The following PRKG1 variants were observed in gnomAD, a reference collection of about 807,000 sequenced individuals.
The protein encoded by PRKG1 is cGMP-dependent protein kinase 1.
A neutral mutation model predicts 88.1 loss-of-function variants in PRKG1; 35 were observed. That is an observed-to-expected ratio of 0.40 (90% confidence interval 0.30 to 0.53). The LOEUF (loss-of-function observed/expected upper bound fraction) is 0.53, where lower values mean the gene tolerates loss of function less well. Among genes scored for constraint, PRKG1 ranks in the 20% least tolerant of loss-of-function variants. PRKG1 has a pLI of 0.59. For missense variants in PRKG1, 540 were observed against 839.8 expected (o/e 0.64, Z 4.41); for synonymous variants, 303 against 292.5 (o/e 1.04, Z -0.37).
intron 1 of PRKG1, among the ~76,000 whole-genome samples, chr10:51,004,626 A>G (rs1842922619): frequency 6.6e-6 from 1 of 152,182 alleles, no homozygotes; most frequent in Non-Finnish European, 1.5e-5. Flanking sequence ...CTTGAGTTAC[A>G]TTCATGAGAA....
chr10:52,147,999 T>A (rs1275446038), intron 8 of PRKG1, among the ~76,000 whole-genome samples: 1 of 152,160 alleles, frequency 6.6e-6, no homozygotes, highest in Non-Finnish European at 1.5e-5. Flanking sequence ...TTGAAGGTCA[T>A]CGGCCTGGGG....
chr10:51,539,703 G>A (rs942651824), intron 3 of PRKG1, among the ~76,000 whole-genome samples: 2 of 152,068 alleles, frequency 1.3e-5, no homozygotes, highest in Non-Finnish European at 2.9e-5. Context: ...AAAGCAGAAG[G>A]AAAAATCTTC....
At chr10:51,919,325 A>T (rs947733249) in intron 5 of PRKG1, among the ~76,000 whole-genome samples, 1 of 152,124 alleles carries the variant, frequency 6.6e-6, no homozygotes, top group Non-Finnish European at 1.5e-5. Flanking sequence ...CTTTAGGGAG[A>T]TGGCAGTTGT....
intron 3 of PRKG1, among the ~76,000 whole-genome samples, chr10:51,682,172 C>G (rs1840938086): frequency 6.6e-6 from 1 of 152,168 alleles, no homozygotes; most frequent in Non-Finnish European, 1.5e-5. Context: ...CTTCTTGGGT[C>G]AAACAGAGTC....
intron 3 of PRKG1, chr10:51,696,328 A>C (rs1478848314): frequency 6.6e-6 from 1 of 152,070 alleles, no homozygotes; most frequent in Non-Finnish European, 1.5e-5. Context: ...AGATACCAAG[A>C]AACTGAGAGT....
intron 2 of PRKG1, among the ~76,000 whole-genome samples, chr10:51,249,543 G>T (rs530086406): frequency 1.3e-5 from 2 of 151,768 alleles, no homozygotes; most frequent in Admixed American, 1.3e-4. Flanking sequence ...CATATTTTAG[G>T]TGATATTTTG....
intron 3 of PRKG1, among the ~76,000 whole-genome samples, chr10:51,626,423 G>T (rs1016123119): frequency 6.6e-6 from 1 of 152,084 alleles, no homozygotes; most frequent in Non-Finnish European, 1.5e-5. Context: ...AATCCTACCT[G>T]CATGTTGTTA....
At chr10:51,019,772 T>C (rs1843112413) in intron 1 of PRKG1, among the ~76,000 whole-genome samples, 1 of 151,930 alleles carries the variant, frequency 6.6e-6, no homozygotes, top group African/African-American at 2.4e-5. Flanking sequence ...CCAGAATATG[T>C]AGAGAACTCC....
At chr10:51,924,922 T>C (rs2132988004) in intron 5 of PRKG1, among the ~76,000 whole-genome samples, 1 of 151,306 alleles carries the variant, frequency 6.6e-6, no homozygotes, top group African/African-American at 2.4e-5. Context: ...TCTCTGCTTA[T>C]ATTACTCACC....
intron 3 of PRKG1, among the ~76,000 whole-genome samples, chr10:51,726,495 T>A (rs1158142442): frequency 6.6e-6 from 1 of 152,232 alleles, no homozygotes; most frequent in East Asian, 1.9e-4. Context: ...TGGCTGCATA[T>A]GCAGTAGTGA....
At chr10:51,556,223 C>T (rs1465571205) in intron 3 of PRKG1, among the ~76,000 whole-genome samples, 1 of 151,864 alleles carries the variant, frequency 6.6e-6, no homozygotes, top group Non-Finnish European at 1.5e-5. Flanking sequence ...TAGTAGTAAA[C>T]AGATTATCAT....
chr10:51,900,907 A>C (rs1841965232), intron 4 of PRKG1, among the ~76,000 whole-genome samples: 1 of 152,178 alleles, frequency 6.6e-6, no homozygotes, highest in Non-Finnish European at 1.5e-5. Flanking sequence ...ACACAATATC[A>C]AAAACATGTA....
chr10:51,913,906 A>G (rs1031389269), intron 5 of PRKG1, among the ~76,000 whole-genome samples: 1 of 152,202 alleles, frequency 6.6e-6, no homozygotes, highest in African/African-American at 2.4e-5. Flanking sequence ...ATTAATCTCT[A>G]TACTATCCCA....
intron 7 of PRKG1, among the ~76,000 whole-genome samples, chr10:52,088,911 CCATT>C (rs1202721627): frequency 6.6e-6 from 1 of 152,140 alleles, no homozygotes; most frequent in African/African-American, 2.4e-5. Context: ...TGATGCATTA[CCATT>C]CAATCCATAG....
intron 3 of PRKG1, among the ~76,000 whole-genome samples, chr10:51,628,988 AAAACC>A (rs1564580661): frequency 6.6e-6 from 1 of 151,628 alleles, no homozygotes; most frequent in Non-Finnish European, 1.5e-5. Context: ...AACAAAAACA[AAAACC>A]AAAAAAACTG....
chr10:51,540,388 G>A (rs1289187233), intron 3 of PRKG1, among the ~76,000 whole-genome samples: 1 of 152,086 alleles, frequency 6.6e-6, no homozygotes, highest in Non-Finnish European at 1.5e-5. Flanking sequence ...AAAGTTTCAG[G>A]ATATTGAGTA....
At chr10:52,097,648 C>T (rs546490406) in intron 7 of PRKG1, among the ~76,000 whole-genome samples, 1 of 151,930 alleles carries the variant, frequency 6.6e-6, no homozygotes, top group Non-Finnish European at 1.5e-5. Context: ...CTAATTGATT[C>T]TCCATAAGAG....
chr10:51,030,320 A>T (rs1320997330), intron 1 of PRKG1, among the ~76,000 whole-genome samples: 2 of 152,192 alleles, frequency 1.3e-5, no homozygotes, highest in Non-Finnish European at 2.9e-5. Flanking sequence ...ATATCTAAAT[A>T]TGTGAATCAT....
At chr10:52,192,176 A>G (rs968795145) in intron 9 of PRKG1, among the ~76,000 whole-genome samples, 2 of 152,074 alleles carry the variant, frequency 1.3e-5, no homozygotes, top group Non-Finnish European at 2.9e-5. Flanking sequence ...GAGCCTCTTT[A>G]GGTTGGTTCC....
Sources: gnomAD v4.1 joint callset for allele counts (sites outside exome capture counted in the v4.1 genomes callset) on GRCh38, gnomAD v4.1.1 for gene constraint, MANE v1.5 for transcripts, NCBI Gene and HGNC (gene_info 2026-07-23, HGNC 2026-07-21) for gene names.